Variants in CYFIP1 observed in about 807,000 individuals in gnomAD.
The protein encoded by CYFIP1 is cytoplasmic FMR1-interacting protein 1.
In CYFIP1, 58 loss-of-function variants were observed where a neutral mutation model predicts 163.5. The ratio of observed to expected loss-of-function variants is 0.35; its 90% CI spans 0.29 to 0.44. The LOEUF (loss-of-function observed/expected upper bound fraction) is 0.44. Among genes scored for constraint, CYFIP1 ranks in the 20% least tolerant of loss-of-function variants. CYFIP1 has a pLI of 1.00. For synonymous variants in CYFIP1, 663 were observed against 660.7 expected (o/e 1.00, Z -0.05); for missense variants, 1,338 against 1,653.8 (o/e 0.81, Z 3.31).
chr15:22,890,743 TCGAGAACACGAACAGAGACAGGG>T lies in CYFIP1; in HGVS notation c.2676+2124_2676+2146del, dbSNP rs1595526945. On this transcript the variant is annotated intron_variant, in intron 23 of 30. Coordinates refer to ENST00000617928, the MANE Select transcript of CYFIP1 (RefSeq NM_014608.6). ...GCGGAGGCCGCACCTGCCAACAGCCTCGAGAACACGAACAGAGACAGGGTGGAGGGGCACAGCGGAGGCCGCAC... is the reference window on the plus strand; with the variant it reads ...GCGGAGGCCGCACCTGCCAACAGCCTTGGAGGGGCACAGCGGAGGCCGCAC... Among the ~76,000 whole-genome samples, 144 of 72,694 alleles carry T rather than the reference TCGAGAACACGAACAGAGACAGGG, an allele frequency of 2.0e-3. No homozygotes were observed. In the East Asian group the frequency reaches 0.039, roughly 20 times the overall value. The allele number at this position is 72,694 out of a possible 152,430, so 47.7% of individuals were successfully genotyped here. A position where few individuals can be genotyped will look rare whatever the true frequency, so the allele number is the denominator to read the frequency against.
intron 21 of CYFIP1, chr15:22,904,121 T>TCACCTCCACGC (rs1307964951): frequency 3.3e-6 from 2 of 598,012 alleles, no homozygotes; most frequent in African/African-American, 3.7e-5. Flanking sequence ...TCCACTGCAG[T>TCACCTCCACGC]CACCTCCACG....
At chr15:22,882,072 G>C in intron 24 of CYFIP1, 136 bp from the exon 25 acceptor site, 1 of 711,894 alleles carries the variant, frequency 1.4e-6, no homozygotes, top group Non-Finnish European at 2.3e-6. Context: ...GTCTGGCTGG[G>C]GAATAAAATC....
intron 1 of CYFIP1, among the ~76,000 whole-genome samples, chr15:22,968,051 G>A (rs147776135): frequency 0.067 from 10,217 of 152,110 alleles, 432 homozygotes; most frequent in Middle Eastern, 0.092. Context: ...CAGGAGAATC[G>A]CTTGAACCAG....
Position 22,869,980 on chromosome 15 carries a change from C to T in CYFIP1, c.*48G>A, listed in dbSNP as rs201977921. Reference sequence around the variant, plus strand: ...CCTAAAAATCTCACTAAATAGTTTACGGAGAGAAAGGCATGCCATGTTGAG... The same window carrying T: ...CCTAAAAATCTCACTAAATAGTTTATGGAGAGAAAGGCATGCCATGTTGAG... On this transcript the variant is annotated 3_prime_UTR_variant, in exon 31 of 31. Transcript: ENST00000617928. 43 of 1,502,368 alleles carry T rather than the reference C, an allele frequency of 2.9e-5. No homozygotes were observed. In the East Asian group the frequency reaches 5.5e-4, roughly 19 times the overall value. The allele number at this position is 1,502,368 out of a possible 1,614,324, so 93.1% of individuals were successfully genotyped here.
chr15:22,963,763 C>T (rs2062786625), intron 1 of CYFIP1, among the ~76,000 whole-genome samples: 2 of 152,108 alleles, frequency 1.3e-5, no homozygotes, highest in Admixed American at 6.6e-5. Flanking sequence ...AACATGCCCG[C>T]GTCTGCCTAG....
intron 26 of CYFIP1, among the ~76,000 whole-genome samples, chr15:22,878,811 TAAAG>T (rs966553762): frequency 1.3e-5 from 2 of 149,806 alleles, no homozygotes; most frequent in South Asian, 2.1e-4. Flanking sequence ...GTGCAGCACA[TAAAG>T]AGTCTACACA....
At chr15:22,953,029 C>A (rs966749590) in intron 1 of CYFIP1, among the ~76,000 whole-genome samples, 9 of 152,236 alleles carry the variant, frequency 5.9e-5, no homozygotes, top group Non-Finnish European at 1.3e-4. Context: ...TGATGCCAAG[C>A]AGCTGTCACC....
intron 11 of CYFIP1, among the ~76,000 whole-genome samples, chr15:22,929,631 CAAAAA>C (rs35408380): frequency 4.0e-4 from 17 of 42,260 alleles, no homozygotes; most frequent in African/African-American, 1.7e-3. Context: ...GACTCTGTCT[CAAAAA>C]AAAAAAAAAA....
chr15:22,979,948 G>T (rs12437591), intron 1 of CYFIP1, among the ~76,000 whole-genome samples: 30 of 152,314 alleles, frequency 2.0e-4, no homozygotes, highest in African/African-American at 6.7e-4. Context: ...ATGTGCCGGG[G>T]CGCGGAATCC....
At chr15:22,944,137 G>T (rs534786894) in intron 5 of CYFIP1, among the ~76,000 whole-genome samples, 11 of 151,454 alleles carry the variant, frequency 7.3e-5, no homozygotes, top group Admixed American at 2.0e-4. Context: ...TACTCAGGAA[G>T]CTGAGGCAGG....
chr15:22,910,465 C>G, intron 20 of CYFIP1, 55 bp downstream of exon 20: 1 of 1,483,268 alleles, frequency 6.7e-7, no homozygotes, highest in African/African-American at 1.4e-5. Context: ...CAGCCGAAAA[C>G]CCAGTCTTTT....
intron 1 of CYFIP1, among the ~76,000 whole-genome samples, chr15:22,953,810 C>G (rs756435784): frequency 1.1e-4 from 16 of 152,212 alleles, no homozygotes; most frequent in Non-Finnish European, 2.1e-4. Context: ...AATCCCAGCA[C>G]TTTGGGAGGC....
chr15:22,902,284 T>G (rs563831527), intron 22 of CYFIP1, among the ~76,000 whole-genome samples: 12 of 152,308 alleles, frequency 7.9e-5, no homozygotes, highest in African/African-American at 2.6e-4. Flanking sequence ...ACCGTGCTGA[T>G]CTGCACACAG....
chr15:22,903,439 C>T (rs143431120), intron 22 of CYFIP1, among the ~76,000 whole-genome samples: 110 of 152,356 alleles, frequency 7.2e-4, no homozygotes, highest in African/African-American at 2.5e-3. Flanking sequence ...CAGACTCACC[C>T]CACTTCCACC....
intron 30 of CYFIP1, among the ~76,000 whole-genome samples, chr15:22,871,713 G>A (rs570501562): frequency 6.6e-6 from 1 of 152,302 alleles, no homozygotes; most frequent in Non-Finnish European, 1.5e-5. Flanking sequence ...CAGAAGACTA[G>A]AGGCTGAGAC....
At chr15:22,947,478 G>A (rs1381763689) in intron 1 of CYFIP1, among the ~76,000 whole-genome samples, 187 bp from the exon 2 acceptor site, 4 of 152,172 alleles carry the variant, frequency 2.6e-5, no homozygotes, top group African/African-American at 9.7e-5. Context: ...CCAGCAGGCT[G>A]GGAGGCCCTG....
intron 29 of CYFIP1, 99 bp downstream of exon 29, chr15:22,873,392 C>G (rs926518714): frequency 1.1e-5 from 11 of 1,010,236 alleles, no homozygotes; most frequent in Admixed American, 2.2e-5. Context: ...TGGTCCACTT[C>G]CTGAGCATGG....
At position 22,869,152 on chromosome 15, in the gene CYFIP1, C is replaced by CCTGA. The variant is rs768628991; in HGVS notation, c.*872_*875dup. On this transcript the variant is annotated 3_prime_UTR_variant, in exon 31 of 31. Coordinates refer to ENST00000617928, the MANE Select transcript of CYFIP1 (RefSeq NM_014608.6). ...GTCCCTTTGTGCAGCACCCACTGGGCCTGACTGATCTCCTCCCACATTGCT... is the reference window on the plus strand; with the variant it reads ...GTCCCTTTGTGCAGCACCCACTGGGCCTGACTGACTGATCTCCTCCCACATTGCT... 6.6e-6 allele frequency: 1 copy of CCTGA among 152,284 alleles called. No individual in the cohort carries two copies. Among genetic ancestry groups the CCTGA allele is most frequent in the East Asian group, 1.9e-4 (1 of 5,206 alleles). 9.4% of individuals were successfully genotyped at this position (152,284 alleles called of 1,614,324 possible). A position where few individuals can be genotyped will look rare whatever the true frequency, so the allele number is the denominator to read the frequency against.
Position 22,914,764 on chromosome 15 carries a change from C to T in CYFIP1, c.1947G>A (p.Thr649=), listed in dbSNP as rs527433330. 5.1e-5 allele frequency: 82 copies of T among 1,613,698 alleles called. 1 individual carries two copies. Among genetic ancestry groups the T allele is most frequent in the South Asian group, 1.6e-4 (15 of 91,014 alleles). Reference sequence around the variant, plus strand: ...CCTCCTTGGTCTCCAGGATGTGGTCCGTCAGGATCCAGGGCATCGACATCT... The same window carrying T: ...CCTCCTTGGTCTCCAGGATGTGGTCTGTCAGGATCCAGGGCATCGACATCT... ...PIEMSMPWIL[T]DHILETKEAS... Residue 649 remains threonine (T), a synonymous_variant, in exon 17 of 31, where the codon ACG becomes ACA. Coordinates refer to ENST00000617928, the MANE Select transcript of CYFIP1 (RefSeq NM_014608.6).
Sources: gnomAD v4.1 joint callset for allele counts (sites outside exome capture counted in the v4.1 genomes callset) on GRCh38, gnomAD v4.1.1 for gene constraint, MANE v1.5 for transcripts, NCBI Gene and HGNC (gene_info 2026-07-23, HGNC 2026-07-21) for gene names.